The following SLIT2 variants were observed in gnomAD, a reference collection of about 807,000 sequenced individuals.
The protein encoded by SLIT2 is slit homolog 2 protein.
SLIT2 carries 41 observed loss-of-function variants against 185.7 expected under a neutral mutation model. That is an observed-to-expected ratio of 0.22 (90% CI 0.17 to 0.29). The LOEUF is 0.29. SLIT2 is among the 10% of genes least tolerant of loss of function. SLIT2 has a pLI of 1.00. For synonymous variants in SLIT2, 693 were observed against 680.2 expected, an observed-to-expected ratio of 1.02 and a Z score of -0.29; for missense variants, 1,571 against 1,909.0, an observed-to-expected ratio of 0.82 and a Z score of 3.30.
chr4:20,389,802 T>C (rs538941605), intron 4 of SLIT2, among the ~76,000 whole-genome samples: 1 of 152,206 alleles, frequency 6.6e-6, no homozygotes, highest in East Asian at 1.9e-4. Context: ...CAGGTACCAG[T>C]GGCAGCAAAG....
chr4:20,480,878 G>T, intron 6 of SLIT2, 91 bp downstream of exon 6: 1 of 926,770 alleles, frequency 1.1e-6, no homozygotes, highest in East Asian at 2.4e-5. Context: ...TTAAAACCTT[G>T]TTGTCAAAAT....
At chr4:20,606,350 C>T (rs1166070489) in intron 33 of SLIT2, among the ~76,000 whole-genome samples, 1 of 151,968 alleles carries the variant, frequency 6.6e-6, no homozygotes, top group Non-Finnish European at 1.5e-5. Flanking sequence ...GGCATGGTGG[C>T]ATGCAGCTGT....
intron 4 of SLIT2, chr4:20,364,321 A>T: frequency 1.0e-6 from 1 of 977,914 alleles, no homozygotes; most frequent in Non-Finnish European, 1.2e-6. Context: ...AAGTAATTGA[A>T]AAAGGGCCTG....
intron 4 of SLIT2, among the ~76,000 whole-genome samples, chr4:20,441,982 CAATAAA>C (rs1729786531): frequency 1.3e-5 from 2 of 151,744 alleles, no homozygotes; most frequent in African/African-American, 4.8e-5. Flanking sequence ...ATGGTAGCTA[CAATAAA>C]AAACATTTAA....
chr4:20,266,743 G>C (rs1184184912), intron 3 of SLIT2, among the ~76,000 whole-genome samples: 1 of 151,950 alleles, frequency 6.6e-6, no homozygotes, highest in African/African-American at 2.4e-5. Context: ...AAAGAGACCA[G>C]TACATGAATA....
chr4:20,394,275 A>T (rs1725701060), intron 4 of SLIT2, among the ~76,000 whole-genome samples: 1 of 152,058 alleles, frequency 6.6e-6, no homozygotes, highest in Non-Finnish European at 1.5e-5. Flanking sequence ...TTGGTATCGC[A>T]TAAGCTTACG....
At chr4:20,279,924 A>G (rs1024831047) in intron 4 of SLIT2, among the ~76,000 whole-genome samples, 2 of 152,196 alleles carry the variant, frequency 1.3e-5, no homozygotes, top group Non-Finnish European at 2.9e-5. Context: ...CAGGTCGGCT[A>G]ATAAATATCT....
At position 20,617,435 on chromosome 4, in the gene SLIT2, G is replaced by A. The variant is rs375740248; in HGVS notation, c.4137-4G>A. On this transcript the variant is annotated splice_polypyrimidine_tract_variant and splice_region_variant and intron_variant, in intron 35 of 36. Coordinates refer to ENST00000504154, the MANE Select transcript of SLIT2 (RefSeq NM_004787.4). ...TCCCACTCCTGTGTTCCTCCTCCCT[G>A]TAGATGCGTACATGGCACCTGCTTG... The A allele has an allele frequency of 1.4e-4, 228 of 1,613,378 alleles. No homozygotes were observed. The highest frequency in any genetic ancestry group is 1.9e-4 in the Non-Finnish European group (220 of 1,179,598).
intron 15 of SLIT2, among the ~76,000 whole-genome samples, chr4:20,527,688 T>C (rs913215008): frequency 1.4e-4 from 21 of 152,228 alleles, no homozygotes; most frequent in African/African-American, 9.6e-5. Context: ...ATATTATTTA[T>C]AAAATTTTAC....
chr4:20,448,789 C>A (rs1712119354), intron 4 of SLIT2, among the ~76,000 whole-genome samples: 1 of 152,098 alleles, frequency 6.6e-6, no homozygotes, highest in Non-Finnish European at 1.5e-5. Context: ...AGGCGCACAC[C>A]ACCACACCCA....
intron 29 of SLIT2, among the ~76,000 whole-genome samples, chr4:20,587,067 G>A (rs547272558): frequency 4.0e-5 from 6 of 150,852 alleles, no homozygotes; most frequent in East Asian, 2.0e-4. Flanking sequence ...CACCCAGACC[G>A]GAGTGCAGTG....
Position 20,619,065 on chromosome 4 carries a change from G to A in SLIT2, c.*56G>A. 3 of 1,533,820 alleles carry A rather than the reference G, an allele frequency of 2.0e-6. No homozygotes were observed. The highest frequency in any genetic ancestry group is 1.8e-6 in the Non-Finnish European group (2 of 1,120,618). ...AGGTTGTATACTTCTTGACCGTGTG[G>A]GACTAATGAATGCTTCATAGTGGAA... On this transcript the variant is annotated 3_prime_UTR_variant, in exon 37 of 37. Transcript: ENST00000504154.
At chr4:20,618,727 T>C in intron 36 of SLIT2, 41 bp from the exon 37 acceptor site, 1 of 1,545,392 alleles carries the variant, frequency 6.5e-7, no homozygotes, top group Non-Finnish European at 8.8e-7. Flanking sequence ...TGACTTACAG[T>C]GACTGTTCTT....
At chr4:20,386,636 G>T (rs1259826243) in intron 4 of SLIT2, among the ~76,000 whole-genome samples, 2 of 152,148 alleles carry the variant, frequency 1.3e-5, no homozygotes, top group Non-Finnish European at 2.9e-5. Flanking sequence ...CTGATTTATT[G>T]AGAGCTATTT....
At chr4:20,360,206 A>G (rs1449171345) in intron 4 of SLIT2, among the ~76,000 whole-genome samples, 1 of 152,152 alleles carries the variant, frequency 6.6e-6, no homozygotes, top group Non-Finnish European at 1.5e-5. Flanking sequence ...AGTTCAATAA[A>G]TATCAACTGA....
At chr4:20,395,760 A>G (rs1246117575) in intron 4 of SLIT2, among the ~76,000 whole-genome samples, 1 of 151,956 alleles carries the variant, frequency 6.6e-6, no homozygotes, top group African/African-American at 2.4e-5. Context: ...TTTAGCTGTT[A>G]AAAATATGAA....
chr4:20,585,538 A>G (rs376689211), intron 29 of SLIT2, among the ~76,000 whole-genome samples: 2 of 152,340 alleles, frequency 1.3e-5, no homozygotes, highest in South Asian at 2.1e-4. Flanking sequence ...CTAGGCTCCT[A>G]TCTCTTGAGA....
chr4:20,425,128 T>C (rs1162595444), intron 4 of SLIT2, among the ~76,000 whole-genome samples: 2 of 152,134 alleles, frequency 1.3e-5, no homozygotes, highest in African/African-American at 4.8e-5. Flanking sequence ...GCTGTAGCAA[T>C]TTCTGGATTG....
intron 4 of SLIT2, among the ~76,000 whole-genome samples, chr4:20,299,810 C>A (rs1397586986): frequency 6.6e-6 from 1 of 151,928 alleles, no homozygotes; most frequent in African/African-American, 2.4e-5. Context: ...TTTCTTTAGC[C>A]TTGGCTGTCC....
Sources: allele counts gnomAD v4.1 joint callset (sites outside exome capture counted in the v4.1 genomes callset), GRCh38; gene constraint gnomAD v4.1.1; transcripts MANE v1.5; gene names NCBI Gene and HGNC (gene_info 2026-07-23, HGNC 2026-07-21).